Variants in GMDS observed in about 807,000 individuals in gnomAD.
The protein encoded by GMDS is GDP-mannose 4,6 dehydratase.
A neutral mutation model predicts 49.9 loss-of-function variants in GMDS; 20 were observed. That is an observed-to-expected ratio of 0.40 (90% CI 0.28 to 0.58). The LOEUF is 0.58. Ranked by LOEUF, GMDS falls within the 20% of genes least tolerant of loss-of-function variation. GMDS has a pLI of 0.42. For synonymous variants in GMDS, 177 were observed against 178.6 expected, an observed-to-expected ratio of 0.99 and a Z score of 0.07; for missense variants, 362 against 481.4, an observed-to-expected ratio of 0.75 and a Z score of 2.32.
chr6:2,022,112 G>A (rs1184252953), intron 4 of GMDS, among the ~76,000 whole-genome samples: 1 of 152,094 alleles, frequency 6.6e-6, no homozygotes, highest in African/African-American at 2.4e-5. Context: ...ATGGAAAGAC[G>A]ACACAGGCAA....
chr6:2,200,082 A>C (rs1451536720), intron 1 of GMDS, among the ~76,000 whole-genome samples: 1 of 152,178 alleles, frequency 6.6e-6, no homozygotes, highest in Admixed American at 6.5e-5. Flanking sequence ...TATTAAACAA[A>C]TATTTATTGC....
chr6:1,739,053 A>C (rs1352780911), intron 8 of GMDS, among the ~76,000 whole-genome samples: 1 of 152,262 alleles, frequency 6.6e-6, no homozygotes. Flanking sequence ...TCAGCTGTTG[A>C]GAGCACTGAG....
chr6:1,958,036 G>A (rs1421408250), intron 6 of GMDS, among the ~76,000 whole-genome samples: 7 of 151,544 alleles, frequency 4.6e-5, no homozygotes, highest in African/African-American at 1.7e-4. Flanking sequence ...AAACTCCTGG[G>A]CTCAAGTGAT....
chr6:2,001,677 G>T (rs1199981495), intron 4 of GMDS, among the ~76,000 whole-genome samples: 1 of 152,042 alleles, frequency 6.6e-6, no homozygotes, highest in Non-Finnish European at 1.5e-5. Context: ...TGCTGTACTG[G>T]CATAAGAATA....
chr6:2,042,435 C>T (rs913774051), intron 4 of GMDS, among the ~76,000 whole-genome samples: 2 of 152,156 alleles, frequency 1.3e-5, no homozygotes, highest in African/African-American at 2.4e-5. Flanking sequence ...CTCGTCCCCA[C>T]CCCATACCCT....
At chr6:1,996,967 C>T (rs767398665) in intron 4 of GMDS, among the ~76,000 whole-genome samples, 1 of 151,884 alleles carries the variant, frequency 6.6e-6, no homozygotes, top group Non-Finnish European at 1.5e-5. Flanking sequence ...AAAGCACCAT[C>T]GAATTTTCCA....
intron 4 of GMDS, among the ~76,000 whole-genome samples, chr6:2,036,913 G>A (rs1291224493): frequency 2.0e-5 from 3 of 152,186 alleles, no homozygotes; most frequent in Admixed American, 1.3e-4. Flanking sequence ...CGTAAGTAAG[G>A]TTTTAAATAA....
intron 7 of GMDS, among the ~76,000 whole-genome samples, chr6:1,821,611 G>GTTTTTTTTTTTTTTTTTTTT (rs3039703): frequency 1.8e-5 from 2 of 109,854 alleles, no homozygotes; most frequent in Non-Finnish European, 3.7e-5. Context: ...CAATTTATTT[G>GTTTTTTTTTTTTTTTTTTTT]TTTTTTTTTT....
intron 1 of GMDS, among the ~76,000 whole-genome samples, chr6:2,217,079 C>T (rs979523280): frequency 3.3e-5 from 5 of 152,128 alleles, no homozygotes; most frequent in Non-Finnish European, 7.4e-5. Flanking sequence ...CACGTGGACT[C>T]GAGCTGGCTC....
At chr6:1,739,564 G>C (rs1767179373) in intron 8 of GMDS, among the ~76,000 whole-genome samples, 1 of 152,376 alleles carries the variant, frequency 6.6e-6, no homozygotes, top group Middle Eastern at 3.4e-3. Context: ...CAAGGCCTGG[G>C]ATCCAGTCCC....
At chr6:2,136,098 T>C (rs1481788272) in intron 1 of GMDS, among the ~76,000 whole-genome samples, 1 of 151,922 alleles carries the variant, frequency 6.6e-6, no homozygotes, top group East Asian at 1.9e-4. Flanking sequence ...AGTATTTGTG[T>C]ATCTACACAG....
rs532310842 is a variant in GMDS at position 2,139,236 on chromosome 6, A to G, written c.103-14505T>C. 5.9e-4 allele frequency among the ~76,000 whole-genome samples: 90 copies of G among 152,364 alleles called. No homozygotes were observed. The South Asian group carries it at 0.018, about 31-fold the overall frequency. ...TTAAAACAAACATTTCAATTTAATT[A>G]CTAATGATAATGTACTTGCATCACT... On this transcript the variant is annotated intron_variant, in intron 1 of 10. Coordinates refer to ENST00000380815, the MANE Select transcript of GMDS (RefSeq NM_001500.4).
intron 4 of GMDS, among the ~76,000 whole-genome samples, chr6:2,055,222 T>C (rs981889301): frequency 1.3e-5 from 2 of 151,282 alleles, no homozygotes; most frequent in East Asian, 3.9e-4. Context: ...GGGACAATAT[T>C]ATAACATTCT....
chr6:1,973,391 T>C (rs1764724479), intron 4 of GMDS, among the ~76,000 whole-genome samples: 1 of 152,218 alleles, frequency 6.6e-6, no homozygotes, highest in Non-Finnish European at 1.5e-5. Context: ...CCAAGCTCTG[T>C]TGGCAGAGAG....
chr6:1,961,499 T>C (rs532832173), intron 4 of GMDS, among the ~76,000 whole-genome samples: 105 of 152,346 alleles, frequency 6.9e-4, no homozygotes, highest in Admixed American at 9.8e-4. Flanking sequence ...CTTTTTTTAA[T>C]TTGAGACACA....
At chr6:1,770,285 A>G (rs932721523) in intron 7 of GMDS, among the ~76,000 whole-genome samples, 1 of 152,198 alleles carries the variant, frequency 6.6e-6, no homozygotes, top group Admixed American at 6.5e-5. Context: ...AGGTTAGGAA[A>G]TTTGGATTTT....
intron 7 of GMDS, among the ~76,000 whole-genome samples, chr6:1,786,620 C>T (rs894329779): frequency 2.6e-4 from 39 of 152,192 alleles, no homozygotes; most frequent in African/African-American, 8.9e-4. Context: ...AGTCTCCTCC[C>T]TACAGACTGA....
chr6:1,810,041 A>C (rs1407845422), intron 7 of GMDS, among the ~76,000 whole-genome samples: 3 of 152,182 alleles, frequency 2.0e-5, no homozygotes, highest in Non-Finnish European at 4.4e-5. Context: ...ACGCAGCTCA[A>C]CTACACTGAG....
At chr6:2,002,897 C>T (rs1766916019) in intron 4 of GMDS, among the ~76,000 whole-genome samples, 1 of 152,140 alleles carries the variant, frequency 6.6e-6, no homozygotes, top group Non-Finnish European at 1.5e-5. Context: ...ATATCTACCA[C>T]TCTTACATGG....
Sources: allele counts gnomAD v4.1 joint callset (sites outside exome capture counted in the v4.1 genomes callset), GRCh38; gene constraint gnomAD v4.1.1; transcripts MANE v1.5; gene names NCBI Gene and HGNC (gene_info 2026-07-23, HGNC 2026-07-21).